Variants in DPP10 observed in about 807,000 individuals in gnomAD.
DPP10 encodes inactive dipeptidyl peptidase 10.
Under a neutral mutation model 120.9 loss-of-function variants are expected in DPP10, and 33 were observed. That is an observed-to-expected ratio of 0.27 (90% confidence interval 0.21 to 0.37). DPP10 has a LOEUF of 0.37. Among genes scored for constraint, DPP10 ranks in the 10% least tolerant of loss-of-function variants. The pLI, the probability that DPP10 is intolerant of heterozygous loss-of-function variation, is 1.00. For missense variants in DPP10, 816 were observed against 942.8 expected, an observed-to-expected ratio of 0.87 and a Z score of 1.76; for synonymous variants, 337 against 326.1, an observed-to-expected ratio of 1.03 and a Z score of -0.36.
intron 5 of DPP10, among the ~76,000 whole-genome samples, chr2:115,602,737 C>T (rs561709015): frequency 1.4e-4 from 21 of 152,244 alleles, no homozygotes; most frequent in African/African-American, 4.8e-4. Flanking sequence ...ACACAGACCA[C>T]GGGCCAACAT....
At chr2:114,776,582 A>C (rs557392318) in intron 1 of DPP10, among the ~76,000 whole-genome samples, 8 of 152,152 alleles carry the variant, frequency 5.3e-5, no homozygotes, top group Non-Finnish European at 1.2e-4. Flanking sequence ...CTCAAAAGAA[A>C]TATTGTTAAA....
chr2:115,520,355 G>T (rs908857686), intron 4 of DPP10, among the ~76,000 whole-genome samples: 2 of 152,006 alleles, frequency 1.3e-5, no homozygotes, highest in African/African-American at 4.8e-5. Context: ...ATATGTGTGT[G>T]AATATTTAGG....
At chr2:115,035,973 G>C (rs1229973629) in intron 1 of DPP10, among the ~76,000 whole-genome samples, 1 of 152,154 alleles carries the variant, frequency 6.6e-6, no homozygotes, top group Non-Finnish European at 1.5e-5. Flanking sequence ...CCCTTTATAA[G>C]ATAAAAGACA....
At chr2:115,446,707 T>G (rs576386752) in intron 3 of DPP10, among the ~76,000 whole-genome samples, 1 of 152,260 alleles carries the variant, frequency 6.6e-6, no homozygotes, top group South Asian at 2.1e-4. Context: ...TGCTTTTACC[T>G]TTCCTATCTT....
At chr2:114,673,829 T>C (rs1268583027) in intron 1 of DPP10, among the ~76,000 whole-genome samples, 1 of 152,052 alleles carries the variant, frequency 6.6e-6, no homozygotes, top group East Asian at 1.9e-4. Flanking sequence ...CAACATTAGA[T>C]TTTTTTTAAA....
intron 1 of DPP10, among the ~76,000 whole-genome samples, chr2:114,843,402 A>G (rs1688311637): frequency 6.6e-6 from 1 of 152,138 alleles, no homozygotes; most frequent in African/African-American, 2.4e-5. Flanking sequence ...TCTTTGCATA[A>G]TATCTTTGGC....
At chr2:115,162,745 G>T (rs2052519921) in intron 1 of DPP10, among the ~76,000 whole-genome samples, 1 of 152,206 alleles carries the variant, frequency 6.6e-6, no homozygotes, top group Non-Finnish European at 1.5e-5. Flanking sequence ...TCTCTTTCCC[G>T]TCCGTCTACA....
chr2:115,614,235 T>C (rs1319686876), intron 5 of DPP10, among the ~76,000 whole-genome samples: 2 of 152,200 alleles, frequency 1.3e-5, no homozygotes, highest in African/African-American at 4.8e-5. Flanking sequence ...ACAACAAGGT[T>C]ATTGATAATA....
At chr2:115,604,481 G>A (rs1041775170) in intron 5 of DPP10, among the ~76,000 whole-genome samples, 8 of 152,100 alleles carry the variant, frequency 5.3e-5, no homozygotes, top group Non-Finnish European at 1.0e-4. Flanking sequence ...TCATTCAATA[G>A]AACATAACAG....
chr2:115,280,466 A>G (rs1033810309), intron 1 of DPP10, among the ~76,000 whole-genome samples: 4 of 152,206 alleles, frequency 2.6e-5, no homozygotes, highest in African/African-American at 9.7e-5. Flanking sequence ...AGTAAATATC[A>G]GTCCTATAGC....
chr2:114,752,446 A>G (rs1679323967), intron 1 of DPP10, among the ~76,000 whole-genome samples: 1 of 152,240 alleles, frequency 6.6e-6, no homozygotes, highest in African/African-American at 2.4e-5. Context: ...AGAGCCTCGA[A>G]TTAAAAACTG....
intron 1 of DPP10, among the ~76,000 whole-genome samples, chr2:115,003,975 A>T (rs1701633458): frequency 6.6e-6 from 1 of 152,222 alleles, no homozygotes; most frequent in South Asian, 2.1e-4. Context: ...ATATGTAGTT[A>T]TTAGTTTATT....
intron 5 of DPP10, among the ~76,000 whole-genome samples, chr2:115,552,302 T>C (rs1452834185): frequency 6.6e-6 from 1 of 152,146 alleles, no homozygotes; most frequent in Non-Finnish European, 1.5e-5. Context: ...GCATAGAATC[T>C]GGGAAGGAGG....
chr2:115,548,791 G>A (rs1054514266), intron 5 of DPP10, among the ~76,000 whole-genome samples: 2 of 152,052 alleles, frequency 1.3e-5, no homozygotes, highest in East Asian at 3.9e-4. Context: ...AATAGCATTC[G>A]CCTCCATCTC....
chr2:114,496,961 TAGAA>T (rs1334474739), intron 1 of DPP10, among the ~76,000 whole-genome samples: 1 of 151,788 alleles, frequency 6.6e-6, no homozygotes, highest in Non-Finnish European at 1.5e-5. Context: ...AGCATGCTGA[TAGAA>T]GGACCTTGGA....
At chr2:115,154,722 A>G (rs555640832) in intron 1 of DPP10, among the ~76,000 whole-genome samples, 23 of 151,900 alleles carry the variant, frequency 1.5e-4, no homozygotes, top group African/African-American at 5.6e-4. Flanking sequence ...ACTGATGTAG[A>G]CCCCTACCCA....
At chr2:115,699,270 G>A (rs2091777013) in intron 7 of DPP10, among the ~76,000 whole-genome samples, 1 of 152,104 alleles carries the variant, frequency 6.6e-6, no homozygotes, top group Admixed American at 6.6e-5. Context: ...GGATATTAAT[G>A]CAGTAATCAA....
intron 1 of DPP10, among the ~76,000 whole-genome samples, chr2:115,252,675 C>T (rs1029656136): frequency 1.3e-5 from 2 of 152,140 alleles, no homozygotes; most frequent in African/African-American, 4.8e-5. Context: ...ATAATTAAGG[C>T]TTTATTTTAA....
chr2:115,594,093 A>G (rs558322415), intron 5 of DPP10, among the ~76,000 whole-genome samples: 20 of 152,174 alleles, frequency 1.3e-4, no homozygotes, highest in Non-Finnish European at 2.6e-4. Flanking sequence ...CATGTAGACA[A>G]GAGACCAGTC....
Sources: gnomAD v4.1 joint callset for allele counts (sites outside exome capture counted in the v4.1 genomes callset) on GRCh38, gnomAD v4.1.1 for gene constraint, MANE v1.5 for transcripts, NCBI Gene and HGNC (gene_info 2026-07-23, HGNC 2026-07-21) for gene names.